ANKRD17: variants seen among roughly 807,000 people sequenced by gnomAD.
ANKRD17 encodes the protein ankyrin repeat domain 17.
In ANKRD17, 19 loss-of-function variants were observed where a neutral mutation model predicts 229.7. That is an observed-to-expected ratio of 0.08 (90% confidence interval 0.06 to 0.12). The LOEUF is 0.12. ANKRD17 is among the 10% of genes least tolerant of loss of function. ANKRD17 has a pLI of 1.00. For missense variants in ANKRD17, 2,176 were observed against 3,176.8 expected (o/e 0.68, Z 7.57); for synonymous variants, 1,112 against 1,146.1 (o/e 0.97, Z 0.60).
rs1724919758 is a variant in ANKRD17, at chr4:73,108,573, G to C, written c.4401+5219C>G. On this transcript the variant is annotated intron_variant, in intron 24 of 33. Transcript: ENST00000358602. Reference sequence around the variant, plus strand: ...TAGTGGCATGAAAGCCAAGTGAAGAGAGTATATCAAATGTTATTAGTTCAG... The same window carrying C: ...TAGTGGCATGAAAGCCAAGTGAAGACAGTATATCAAATGTTATTAGTTCAG... Among the ~76,000 whole-genome samples, 4 of 152,178 alleles carry C rather than the reference G, an allele frequency of 2.6e-5. No homozygotes were observed. In the South Asian group the frequency reaches 6.2e-4, roughly 24 times the overall value.
chr4:73,131,598 T>TG (rs1728206511), intron 16 of ANKRD17, among the ~76,000 whole-genome samples: 1 of 152,262 alleles, frequency 6.6e-6, no homozygotes, highest in Admixed American at 6.5e-5. Context: ...TTAACACACT[T>TG]AAGTTAAAAA....
intron 1 of ANKRD17, among the ~76,000 whole-genome samples, chr4:73,222,084 A>C (rs1351210781): frequency 6.6e-6 from 1 of 152,190 alleles, no homozygotes; most frequent in African/African-American, 2.4e-5. Flanking sequence ...AGTATTAGGA[A>C]TACCACTCAC....
intron 9 of ANKRD17, 145 bp from the exon 10 acceptor site, chr4:73,147,018 T>G (rs1021051515): frequency 1.2e-6 from 1 of 800,124 alleles, no homozygotes; most frequent in Non-Finnish European, 1.9e-6. Context: ...CAGAGAATAT[T>G]GTAGGCATTA....
chr4:73,258,243 T>C, intron 1 of ANKRD17, 33 bp downstream of exon 1: 1 of 1,613,044 alleles, frequency 6.2e-7, no homozygotes, highest in Non-Finnish European at 8.5e-7. Flanking sequence ...TACAGTCCCT[T>C]CCTCCCTCCT....
chr4:73,215,546 C>T (rs1206591362), intron 1 of ANKRD17, among the ~76,000 whole-genome samples: 1 of 152,198 alleles, frequency 6.6e-6, no homozygotes, highest in Non-Finnish European at 1.5e-5. Flanking sequence ...GTGTGGGCCA[C>T]TGCGCCTGGC....
rs1723562819 is a variant in ANKRD17 at position 73,098,467 on chromosome 4, C to T, written c.4627G>A (p.Gly1543Ser). 2 of 1,613,850 alleles carry T rather than the reference C, an allele frequency of 1.2e-6. No individual in the cohort carries two copies. Among genetic ancestry groups the T allele is most frequent in the Admixed American group, 1.7e-5 (1 of 59,972 alleles). Residue 1543 changes from glycine to serine, a missense_variant, in exon 26 of 34, where the codon GGT becomes AGT. Physicochemically the swap from Gly to Ser is moderately conservative, Grantham distance 56 (BLOSUM62 0). This residue lies in a region of ANKRD17 where 105 missense variants were observed against 118.3 expected (regional missense o/e 0.89). Coordinates refer to ENST00000358602, the MANE Select transcript of ANKRD17 (RefSeq NM_032217.5). ...AAAGTTGTCCAGGTTGCAGATATAC[C>T]TATGGTAGTAGTGGTTGTGGCACTT... ...PPSATTTTTI[G>S]ISATWTTLAG...
intron 1 of ANKRD17, among the ~76,000 whole-genome samples, chr4:73,246,713 A>T (rs1744535074): frequency 6.6e-6 from 1 of 152,202 alleles, no homozygotes; most frequent in African/African-American, 2.4e-5. Flanking sequence ...GCGGGGTAAA[A>T]GGAAGCAAGA....
intron 2 of ANKRD17, among the ~76,000 whole-genome samples, chr4:73,169,834 A>G (rs532464264): frequency 1.3e-5 from 2 of 152,330 alleles, no homozygotes; most frequent in South Asian, 4.1e-4. Flanking sequence ...GAGAGCAGAA[A>G]CAGGCTGAAC....
At chr4:73,115,790 T>A in intron 23 of ANKRD17, 31 bp downstream of exon 23, 1 of 1,515,828 alleles carries the variant, frequency 6.6e-7, no homozygotes, top group Non-Finnish European at 9.1e-7. Flanking sequence ...CCGAATAGAG[T>A]CCCTTGCTCA....
At chr4:73,117,044 TAATA>T (rs1420420824) in intron 22 of ANKRD17, among the ~76,000 whole-genome samples, 8 of 152,078 alleles carry the variant, frequency 5.3e-5, no homozygotes, top group Admixed American at 2.0e-4. Context: ...ATAACAACTC[TAATA>T]GTTAGAGTAA....
At chr4:73,148,009 G>A (rs1016708981) in intron 8 of ANKRD17, among the ~76,000 whole-genome samples, 9 of 151,788 alleles carry the variant, frequency 5.9e-5, no homozygotes, top group Non-Finnish European at 1.2e-4. Flanking sequence ...TTATACACAC[G>A]TATTAACTAT....
intron 3 of ANKRD17, among the ~76,000 whole-genome samples, chr4:73,158,152 A>AAAAGAAAGAAGAAAGAAAG (rs1553925347): frequency 4.7e-5 from 6 of 128,708 alleles, no homozygotes; most frequent in South Asian, 2.8e-4. Flanking sequence ...GAAAGGAAGA[A>AAAAGAAAGAAGAAAGAAAG]AAAGAAAGAA....
At chr4:73,174,423 G>C (rs970453054) in intron 2 of ANKRD17, among the ~76,000 whole-genome samples, 2 of 152,102 alleles carry the variant, frequency 1.3e-5, no homozygotes, top group African/African-American at 4.8e-5. Flanking sequence ...TGGCAGAGAA[G>C]GGACATATCT....
At chr4:73,183,873 A>G (rs1321171074) in intron 1 of ANKRD17, among the ~76,000 whole-genome samples, 1 of 152,198 alleles carries the variant, frequency 6.6e-6, no homozygotes, top group Non-Finnish European at 1.5e-5. Flanking sequence ...GCTTTTATTT[A>G]AACAGAAAAA....
chr4:73,202,841 A>T (rs185475212), intron 1 of ANKRD17, among the ~76,000 whole-genome samples: 2 of 152,352 alleles, frequency 1.3e-5, no homozygotes, highest in East Asian at 3.9e-4. Context: ...GGAGGGAAAA[A>T]GGTAAACAGA....
In ANKRD17 at chr4:73,098,845, C is replaced by CA. The variant is rs954910018; in HGVS notation, c.4574-326dup. ...AGATGAGTGAGTCGAGCTTGAAGTC[C>CA]AGCCAGCCCTTGGCCTCCAAGCAGG... On this transcript the variant is annotated intron_variant, in intron 25 of 33. Transcript: ENST00000358602. The CA allele has an allele frequency of 3.3e-6, 5 of 1,521,788 alleles. No homozygotes were observed. The African/African-American group carries it at 6.9e-5, about 21-fold the overall frequency. The allele number at this position is 1,521,788 out of a possible 1,614,324, so 94.3% of individuals were successfully genotyped here. A position where few individuals can be genotyped will look rare whatever the true frequency, so the allele number is the denominator to read the frequency against.
At chr4:73,099,413 C>T (rs1255616196) in intron 25 of ANKRD17, among the ~76,000 whole-genome samples, 1 of 152,196 alleles carries the variant, frequency 6.6e-6, no homozygotes, top group East Asian at 1.9e-4. Flanking sequence ...CACACGTACC[C>T]TCCTGGACAA....
chr4:73,247,336 G>A (rs548081237), intron 1 of ANKRD17, among the ~76,000 whole-genome samples: 2 of 151,954 alleles, frequency 1.3e-5, no homozygotes, highest in Non-Finnish European at 2.9e-5. Context: ...AATTTAACAT[G>A]TGCATACTCT....
chr4:73,216,002 C>T (rs1344439820), intron 1 of ANKRD17, among the ~76,000 whole-genome samples: 1 of 152,084 alleles, frequency 6.6e-6, no homozygotes, highest in Non-Finnish European at 1.5e-5. Context: ...GAGTTCAAGG[C>T]TAAAGTGCAT....
Sources: gnomAD v4.1 joint callset for allele counts (sites outside exome capture counted in the v4.1 genomes callset) on GRCh38, gnomAD v4.1.1 for gene constraint, gnomAD v4.1.1 regional missense constraint, MANE v1.5 for transcripts, NCBI Gene and HGNC (gene_info 2026-07-23, HGNC 2026-07-21) for gene names.